TLN2: variants seen among roughly 807,000 people sequenced by gnomAD.
The protein encoded by TLN2 is talin 2.
Under a neutral mutation model 294.7 loss-of-function variants are expected in TLN2, and 118 were observed. The observed-to-expected ratio is 0.40, with a 90% CI of 0.34 to 0.47. The LOEUF is 0.47. Among genes scored for constraint, TLN2 ranks in the 20% least tolerant of loss-of-function variants. The pLI, the probability that TLN2 is intolerant of heterozygous loss-of-function variation, is 0.84. For synonymous variants in TLN2, 1,431 were observed against 1,304.5 expected, an observed-to-expected ratio of 1.10 and a Z score of -2.09; for missense variants, 3,083 against 3,282.2, an observed-to-expected ratio of 0.94 and a Z score of 1.48.
intron 1 of TLN2, among the ~76,000 whole-genome samples, chr15:62,450,068 T>G (rs2036014887): frequency 6.6e-6 from 1 of 152,130 alleles, no homozygotes; most frequent in Admixed American, 6.5e-5. Flanking sequence ...CAACTTACTT[T>G]CCTAATGTTT....
At chr15:62,415,673 C>T (rs963718115) in intron 1 of TLN2, among the ~76,000 whole-genome samples, 10 of 152,236 alleles carry the variant, frequency 6.6e-5, no homozygotes, top group African/African-American at 2.4e-4. Flanking sequence ...CGCTGCCAGG[C>T]GCTCCTGGCA....
intron 1 of TLN2, among the ~76,000 whole-genome samples, chr15:62,502,709 T>C (rs947307911): frequency 6.6e-5 from 10 of 152,170 alleles, no homozygotes; most frequent in African/African-American, 2.4e-4. Flanking sequence ...TGGTTCTGCA[T>C]CTGGATTTGG....
At chr15:62,450,272 G>A (rs2036029643) in intron 1 of TLN2, among the ~76,000 whole-genome samples, 1 of 152,164 alleles carries the variant, frequency 6.6e-6, no homozygotes, top group Non-Finnish European at 1.5e-5. Flanking sequence ...GCTGTTGCTT[G>A]TGCACTGGAG....
intron 1 of TLN2, among the ~76,000 whole-genome samples, chr15:62,515,928 G>A (rs1473337335): frequency 1.3e-5 from 2 of 152,168 alleles, no homozygotes; most frequent in East Asian, 1.9e-4. Flanking sequence ...CTGTGCAGTA[G>A]CTCGCTGCTG....
chr15:62,828,626 T>TCAAA (rs952293351), intron 54 of TLN2: 40 of 152,208 alleles, frequency 2.6e-4, no homozygotes, highest in African/African-American at 9.2e-4. Context: ...ACTCAAGGCC[T>TCAAA]CAAACAGGGC....
chr15:62,546,109 G>C (rs1364358836), intron 1 of TLN2, among the ~76,000 whole-genome samples: 1 of 152,208 alleles, frequency 6.6e-6, no homozygotes, highest in Non-Finnish European at 1.5e-5. Flanking sequence ...CCTCTGCTTT[G>C]ACACAGTGAG....
intron 41 of TLN2, 143 bp downstream of exon 41, chr15:62,766,565 TAACACTG>T: frequency 1.4e-6 from 1 of 689,910 alleles, no homozygotes; most frequent in Non-Finnish European, 2.4e-6. Context: ...CTGCAGAAAA[TAACACTG>T]AACCTCTCTC....
At chr15:62,672,604 A>G (rs1350413801) in intron 9 of TLN2, among the ~76,000 whole-genome samples, 5 of 152,190 alleles carry the variant, frequency 3.3e-5, no homozygotes, top group Non-Finnish European at 7.3e-5. Context: ...ATGGGAATTC[A>G]CTGATACTGG....
At chr15:62,598,263 A>G (rs753953210) in intron 2 of TLN2, among the ~76,000 whole-genome samples, 53 of 152,316 alleles carry the variant, frequency 3.5e-4, no homozygotes, top group Non-Finnish European at 6.6e-4. Flanking sequence ...ATCCTGGGGC[A>G]GGCTGAGAGC....
At chr15:62,835,396 A>T (rs2069404355) in intron 55 of TLN2, 1 of 316,306 alleles carries the variant, frequency 3.2e-6, no homozygotes, top group African/African-American at 2.1e-5. Context: ...CCACATATGA[A>T]ATGGAGAAAG....
intron 1 of TLN2, among the ~76,000 whole-genome samples, chr15:62,575,941 C>T (rs1353012742): frequency 6.6e-6 from 1 of 152,066 alleles, no homozygotes; most frequent in East Asian, 1.9e-4. Context: ...AGTCATAAGT[C>T]AGATGTAATT....
intron 1 of TLN2, among the ~76,000 whole-genome samples, chr15:62,577,290 A>C (rs991181810): frequency 6.6e-6 from 1 of 152,086 alleles, no homozygotes; most frequent in African/African-American, 2.4e-5. Context: ...CTAAAAATAC[A>C]AAATTAGCCG....
chr15:62,825,377 G>C (rs1352317526), intron 54 of TLN2, among the ~76,000 whole-genome samples: 1 of 152,078 alleles, frequency 6.6e-6, no homozygotes. Flanking sequence ...TGATTTTCTT[G>C]TTTCTTTGGG....
At chr15:62,677,385 G>T (rs1332576857) in intron 11 of TLN2, among the ~76,000 whole-genome samples, 3 of 152,138 alleles carry the variant, frequency 2.0e-5, no homozygotes, top group African/African-American at 7.2e-5. Context: ...TTTCAGTGAC[G>T]TGCTAAAAAA....
intron 1 of TLN2, among the ~76,000 whole-genome samples, chr15:62,458,216 G>C (rs1205457773): frequency 6.6e-6 from 1 of 152,152 alleles, no homozygotes; most frequent in Non-Finnish European, 1.5e-5. Context: ...GTGGGGACAA[G>C]GCTTACTCTT....
At chr15:62,587,118 C>T (rs560390504) in intron 1 of TLN2, among the ~76,000 whole-genome samples, 7 of 152,218 alleles carry the variant, frequency 4.6e-5, no homozygotes, top group Middle Eastern at 3.4e-3. Context: ...ACATGACCCT[C>T]GGAAATGAAT....
chr15:62,401,635 G>A (rs921789937), intron 1 of TLN2, among the ~76,000 whole-genome samples: 2 of 152,126 alleles, frequency 1.3e-5, no homozygotes, highest in East Asian at 3.9e-4. Flanking sequence ...GTGCAGCCAG[G>A]GTAGAGGACC....
At chr15:62,551,537 CACACACACACAA>C (rs2042309451) in intron 1 of TLN2, among the ~76,000 whole-genome samples, 1 of 136,300 alleles carries the variant, frequency 7.3e-6, no homozygotes, top group Non-Finnish European at 1.6e-5. Context: ...CACACACACA[CACACACACACAA>C]ATAGCCAGAT....
chr15:62,809,882 G>A (rs2066561121), intron 51 of TLN2, 43 bp from the exon 52 acceptor site: 12 of 1,593,874 alleles, frequency 7.5e-6, no homozygotes, highest in Non-Finnish European at 1.0e-5. Context: ...CCCAATGCTG[G>A]CTTTTCCCAT....
Sources: gnomAD v4.1 joint callset for allele counts (sites outside exome capture counted in the v4.1 genomes callset) on GRCh38, gnomAD v4.1.1 for gene constraint, MANE v1.5 for transcripts, NCBI Gene and HGNC (gene_info 2026-07-23, HGNC 2026-07-21) for gene names.